The following LPCAT2 variants were observed in gnomAD, a reference collection of about 807,000 sequenced individuals.
The protein encoded by LPCAT2 is 1-AGP acyltransferase 11.
Under a neutral mutation model 64.7 loss-of-function variants are expected in LPCAT2, and 58 were observed. That is an observed-to-expected ratio of 0.90 (90% CI 0.73 to 1.12). LPCAT2 has a LOEUF of 1.12. Among genes scored for constraint, LPCAT2 ranks in the 50% most tolerant of loss-of-function variants. The probability of loss-of-function intolerance (pLI) is 0.00; values close to 1 mark genes in which losing one functional copy is unlikely to be tolerated. For synonymous variants in LPCAT2, 252 were observed against 245.3 expected (o/e 1.03, Z -0.26); for missense variants, 579 against 669.8 (o/e 0.86, Z 1.50).
chr16:55,538,996 T>TA (rs565024589), intron 8 of LPCAT2: 38 of 152,062 alleles, frequency 2.5e-4, no homozygotes, highest in Non-Finnish European at 5.0e-4. Flanking sequence ...TTCACTTTTC[T>TA]AAAAAAACAA....
intron 12 of LPCAT2, among the ~76,000 whole-genome samples, chr16:55,577,610 G>T (rs1963842159): frequency 6.6e-6 from 1 of 152,074 alleles, no homozygotes; most frequent in African/African-American, 2.4e-5. Context: ...TAAAAAGTAA[G>T]TACTCATATC....
At chr16:55,538,586 C>A (rs1211799000) in intron 8 of LPCAT2, 1 of 148,314 alleles carries the variant, frequency 6.7e-6, no homozygotes, top group Admixed American at 6.9e-5. Context: ...TTGAGATTTG[C>A]ATGTTTTCTG....
chr16:55,544,548 G>A (rs1963432445), intron 8 of LPCAT2, among the ~76,000 whole-genome samples: 1 of 152,196 alleles, frequency 6.6e-6, no homozygotes, highest in African/African-American at 2.4e-5. Flanking sequence ...AATAACGTAT[G>A]TAAAACACCT....
At chr16:55,569,859 A>T (rs1963749774) in intron 11 of LPCAT2, among the ~76,000 whole-genome samples, 1 of 152,186 alleles carries the variant, frequency 6.6e-6, no homozygotes, top group Non-Finnish European at 1.5e-5. Context: ...CTTAGTTTTC[A>T]TTCAATATTT....
chr16:55,510,009 G>A (rs1168235629), intron 1 of LPCAT2, among the ~76,000 whole-genome samples: 1 of 37,454 alleles, frequency 2.7e-5, no homozygotes, highest in African/African-American at 7.0e-5. Flanking sequence ...TTTTTTTTTT[G>A]CCTTAGGAAG....
At chr16:55,541,444 A>G (rs74437416) in intron 8 of LPCAT2, 1,587 of 153,386 alleles carry the variant, frequency 0.01, 15 homozygotes, top group Non-Finnish European at 0.016. Context: ...AGTTTATTTA[A>G]GTATCCAAAT....
At chr16:55,555,977 G>T (rs1425762416) in intron 11 of LPCAT2, among the ~76,000 whole-genome samples, 1 of 152,006 alleles carries the variant, frequency 6.6e-6, no homozygotes, top group African/African-American at 2.4e-5. Context: ...CCTACACCTG[G>T]CTAATTTTTA....
At chr16:55,544,543 CGT>C (rs1297283273) in intron 8 of LPCAT2, among the ~76,000 whole-genome samples, 5 of 152,152 alleles carry the variant, frequency 3.3e-5, no homozygotes, top group African/African-American at 1.2e-4. Context: ...AATAAAATAA[CGT>C]ATGTAAAACA....
rs767529211 is a variant in LPCAT2, at chr16:55,509,178, A to G, written c.-4A>G. 4.4e-6 allele frequency: 6 copies of G among 1,361,150 alleles called. No individual in the cohort carries two copies. The highest frequency in any genetic ancestry group is 5.7e-6 in the Non-Finnish European group (6 of 1,051,788). The allele number at this position is 1,361,150 out of a possible 1,614,324, so 84.3% of individuals were successfully genotyped here. A position where few individuals can be genotyped will look rare whatever the true frequency, so the allele number is the denominator to read the frequency against. ...TTCGGCCGGGTTCTACGCCCGGCTC[A>G]ACTATGAGCCGGTGCGCCCAGGCGG... On this transcript the variant is annotated 5_prime_UTR_variant, in exon 1 of 14. Coordinates refer to ENST00000262134, the MANE Select transcript of LPCAT2 (RefSeq NM_017839.5).
At chr16:55,563,728 T>C (rs1453048410) in intron 11 of LPCAT2, among the ~76,000 whole-genome samples, 1 of 151,730 alleles carries the variant, frequency 6.6e-6, no homozygotes, top group Admixed American at 6.6e-5. Flanking sequence ...ATATGAAAAG[T>C]TGATAGCTAA....
At chr16:55,519,560 G>A (rs1963065248) in intron 1 of LPCAT2, among the ~76,000 whole-genome samples, 1 of 151,064 alleles carries the variant, frequency 6.6e-6, no homozygotes, top group African/African-American at 2.4e-5. Context: ...TTTTTGGGTT[G>A]TAGGAAAATA....
chr16:55,514,654 A>T (rs953708326), intron 1 of LPCAT2, among the ~76,000 whole-genome samples: 1 of 152,206 alleles, frequency 6.6e-6, no homozygotes, highest in East Asian at 1.9e-4. Context: ...TTTAGTTTTC[A>T]TTTAAAAATT....
intron 12 of LPCAT2, among the ~76,000 whole-genome samples, chr16:55,578,485 T>C (rs751837492): frequency 1.3e-5 from 2 of 152,150 alleles, no homozygotes; most frequent in Admixed American, 1.3e-4. Flanking sequence ...GATATGCAAG[T>C]CTTGTCTTTG....
chr16:55,528,433 G>A lies in LPCAT2; in HGVS notation c.368G>A (p.Gly123Glu). 6.2e-7 allele frequency: 1 copy of A among 1,614,004 alleles called. No homozygotes were observed. Among genetic ancestry groups the A allele is most frequent in the Non-Finnish European group, 8.5e-7 (1 of 1,179,970 alleles). The change falls in exon 3 of 14, where the codon GGA becomes GAA. Residue 123 changes from glycine (G) to glutamate (E), a missense_variant. Gly to Glu is a moderately conservative substitution (Grantham distance 98). Transcript: ENST00000262134. ...GGTCGTGCTATGTTCTTTTCAATGG[G>A]ATTTATAGTTGCTGTAAAAGGAAAG... Reference protein sequence around the residue: ...FLGRAMFFSMGFIVAVKGKIA... With the variant: ...FLGRAMFFSMEFIVAVKGKIA...
chr16:55,540,974 C>T (rs1441008268), intron 8 of LPCAT2: 1 of 152,350 alleles, frequency 6.6e-6, no homozygotes, highest in African/African-American at 2.4e-5. Context: ...TCTCATTGTA[C>T]TATATTCATC....
intron 11 of LPCAT2, chr16:55,567,000 C>A: frequency 6.2e-7 from 1 of 1,613,876 alleles, no homozygotes; most frequent in Non-Finnish European, 8.5e-7. Context: ...TAGGCGATTT[C>A]GGCAACAATT....
At chr16:55,543,081 G>A (rs62028767) in intron 8 of LPCAT2, among the ~76,000 whole-genome samples, 4 of 152,156 alleles carry the variant, frequency 2.6e-5, no homozygotes, top group Non-Finnish European at 5.9e-5. Flanking sequence ...TTGAATGACT[G>A]TACAAAATGG....
chr16:55,569,181 C>A (rs1204912433), intron 11 of LPCAT2, among the ~76,000 whole-genome samples: 3 of 152,170 alleles, frequency 2.0e-5, no homozygotes, highest in African/African-American at 7.2e-5. Flanking sequence ...GAGAGGTTGG[C>A]TTTTGACCTT....
At chr16:55,567,602 T>C (rs573018234) in intron 11 of LPCAT2, 45 of 1,224,888 alleles carry the variant, frequency 3.7e-5, no homozygotes, top group Middle Eastern at 4.3e-4. Context: ...AGCTCTCATT[T>C]CCTGGCAAGC....
Sources: allele counts gnomAD v4.1 joint callset (sites outside exome capture counted in the v4.1 genomes callset), GRCh38; gene constraint gnomAD v4.1.1; transcripts MANE v1.5; gene names NCBI Gene and HGNC (gene_info 2026-07-23, HGNC 2026-07-21).